Variants in CMSS1 observed in about 807,000 individuals in gnomAD.
The protein encoded by CMSS1 is cms1 ribosomal small subunit homolog.
In CMSS1, 33 loss-of-function variants were observed where a neutral mutation model predicts 43.5. The observed-to-expected ratio is 0.76, with a 90% confidence interval of 0.57 to 1.01. CMSS1 has a LOEUF of 1.01. CMSS1 is among the 50% of genes least tolerant of loss of function. The pLI is 0.00. For synonymous variants in CMSS1, 115 were observed against 117.2 expected (o/e 0.98, Z 0.12); for missense variants, 313 against 326.4 (o/e 0.96, Z 0.32).
chr3:100,146,156 G>A (rs948729525), intron 1 of CMSS1, among the ~76,000 whole-genome samples: 3 of 152,180 alleles, frequency 2.0e-5, no homozygotes, highest in Admixed American at 6.5e-5. Context: ...CTGAAAGGCA[G>A]CGCGACATTA....
chr3:99,935,869 G>A (rs908935071), intron 1 of CMSS1, among the ~76,000 whole-genome samples: 9 of 152,238 alleles, frequency 5.9e-5, no homozygotes, highest in South Asian at 4.1e-4. Context: ...GTCCATGCAA[G>A]AGGACTAGAA....
chr3:100,092,968 A>G (rs936297187), intron 1 of CMSS1, among the ~76,000 whole-genome samples: 8 of 152,000 alleles, frequency 5.3e-5, no homozygotes, highest in Non-Finnish European at 7.4e-5. Flanking sequence ...CTCACTACCT[A>G]TGGATCCAGC....
At chr3:99,822,017 G>T (rs1179868507) in intron 1 of CMSS1, among the ~76,000 whole-genome samples, 1 of 152,086 alleles carries the variant, frequency 6.6e-6, no homozygotes, top group Non-Finnish European at 1.5e-5. Context: ...CTGCACTCCA[G>T]CCTGTGCTAC....
chr3:100,124,383 A>G (rs562056206), intron 1 of CMSS1, among the ~76,000 whole-genome samples: 4 of 152,358 alleles, frequency 2.6e-5, no homozygotes, highest in South Asian at 2.1e-4. Flanking sequence ...TGACCATTCA[A>G]CTGCACACTT....
intron 1 of CMSS1, among the ~76,000 whole-genome samples, chr3:99,999,425 A>G (rs982515122): frequency 8.5e-5 from 13 of 152,126 alleles, no homozygotes; most frequent in African/African-American, 1.7e-4. Context: ...TGGGTGGGTG[A>G]GTGGTTGGGA....
intron 1 of CMSS1, among the ~76,000 whole-genome samples, chr3:100,081,357 A>G (rs1184307297): frequency 1.3e-5 from 2 of 152,198 alleles, no homozygotes; most frequent in East Asian, 3.8e-4. Flanking sequence ...ACTGATGGTC[A>G]GTTTATGCTT....
intron 1 of CMSS1, among the ~76,000 whole-genome samples, chr3:100,083,851 G>A (rs1161839487): frequency 6.6e-6 from 1 of 152,100 alleles, no homozygotes; most frequent in Non-Finnish European, 1.5e-5. Context: ...CTAGTATTAA[G>A]GCATGAGCCA....
intron 1 of CMSS1, among the ~76,000 whole-genome samples, chr3:99,925,348 C>T (rs1173329368): frequency 1.3e-5 from 2 of 152,166 alleles, no homozygotes; most frequent in South Asian, 2.1e-4. Flanking sequence ...ATGTGTTTGT[C>T]TCCCCTGCTA....
intron 1 of CMSS1, among the ~76,000 whole-genome samples, chr3:100,131,090 TGTTAA>T (rs1490283597): frequency 6.6e-6 from 1 of 152,228 alleles, no homozygotes; most frequent in Non-Finnish European, 1.5e-5. Context: ...CCAGACTGTG[TGTTAA>T]GTAACTTACA....
chr3:99,925,911 C>T (rs1707278825), intron 1 of CMSS1: 1 of 984,378 alleles, frequency 1.0e-6, no homozygotes, highest in Non-Finnish European at 1.2e-6. Context: ...ACGGGGTAAG[C>T]TGCCACCAGA....
At chr3:99,824,874 T>C (rs1214033749) in intron 1 of CMSS1, among the ~76,000 whole-genome samples, 3 of 152,256 alleles carry the variant, frequency 2.0e-5, no homozygotes, top group Admixed American at 6.5e-5. Flanking sequence ...TTGAGATTGC[T>C]GAAATGAGCT....
At chr3:99,923,027 T>C (rs754557941) in intron 1 of CMSS1, among the ~76,000 whole-genome samples, 49 of 152,298 alleles carry the variant, frequency 3.2e-4, no homozygotes, top group Non-Finnish European at 5.7e-4. Flanking sequence ...TTCACTCTCT[T>C]TTTAAAGTCT....
intron 1 of CMSS1, among the ~76,000 whole-genome samples, chr3:99,905,361 A>G (rs1706580232): frequency 6.6e-6 from 1 of 152,278 alleles, no homozygotes; most frequent in Admixed American, 6.5e-5. Flanking sequence ...ACAGGATTCC[A>G]AAGCCAAACT....
chr3:99,929,868 T>C, intron 1 of CMSS1: 1 of 1,612,152 alleles, frequency 6.2e-7, no homozygotes, highest in Non-Finnish European at 8.5e-7. Context: ...CATTCATTGG[T>C]TTCTCATAGA....
At chr3:100,045,897 TG>T (rs1205805753) in intron 1 of CMSS1, among the ~76,000 whole-genome samples, 1 of 152,008 alleles carries the variant, frequency 6.6e-6, no homozygotes, top group African/African-American at 2.4e-5. Context: ...GTGTCCTTTC[TG>T]CGCAGGGATG....
chr3:99,983,309 G>A (rs938313771), intron 1 of CMSS1, among the ~76,000 whole-genome samples: 9 of 148,666 alleles, frequency 6.1e-5, no homozygotes, highest in South Asian at 4.3e-4. Context: ...CAAGGCAGGC[G>A]GATCACCTGA....
At chr3:99,927,647 G>A (rs1707337574) in intron 1 of CMSS1, among the ~76,000 whole-genome samples, 1 of 152,154 alleles carries the variant, frequency 6.6e-6, no homozygotes, top group Non-Finnish European at 1.5e-5. Context: ...GGGATTACAG[G>A]CATGAGCCAC....
At chr3:100,139,530 TGTGTG>T (rs1361855880) in intron 1 of CMSS1, among the ~76,000 whole-genome samples, 10 of 18,374 alleles carry the variant, frequency 5.4e-4, no homozygotes, top group Non-Finnish European at 9.4e-4. Context: ...AAAAAAAAAA[TGTGTG>T]TGTGTGTGTG....
chr3:100,158,043 C>T (rs950896575), intron 2 of CMSS1, among the ~76,000 whole-genome samples: 1 of 152,152 alleles, frequency 6.6e-6, no homozygotes, highest in Non-Finnish European at 1.5e-5. Flanking sequence ...CAGCCACTTT[C>T]CATTTTCCAA....
Sources: gnomAD v4.1 joint callset for allele counts (sites outside exome capture counted in the v4.1 genomes callset) on GRCh38, gnomAD v4.1.1 for gene constraint, MANE v1.5 for transcripts, NCBI Gene and HGNC (gene_info 2026-07-23, HGNC 2026-07-21) for gene names.